Variants in GPC6 observed in about 807,000 individuals in gnomAD.
The protein encoded by GPC6 is glypican-6.
Under a neutral mutation model 55.2 loss-of-function variants are expected in GPC6, and 14 were observed. That is an observed-to-expected ratio of 0.25 (90% confidence interval 0.17 to 0.40). The LOEUF is 0.40. Ranked by LOEUF, GPC6 falls within the 10% of genes least tolerant of loss-of-function variation. The pLI is 1.00. For synonymous variants in GPC6, 278 were observed against 259.6 expected, an observed-to-expected ratio of 1.07 and a Z score of -0.68; for missense variants, 641 against 708.5, an observed-to-expected ratio of 0.90 and a Z score of 1.08.
rs192116155 is a variant in GPC6 at position 93,846,321 on chromosome 13, A to C, written c.711+15776A>C. Among the ~76,000 whole-genome samples, 4 of 152,202 alleles carry C rather than the reference A, an allele frequency of 2.6e-5. 1 individual carries two copies. In the South Asian group the frequency reaches 8.3e-4, roughly 31 times the overall value. On this transcript the variant is annotated intron_variant, in intron 3 of 8. Transcript: ENST00000377047. ...GCCATTTAGCCCTTACATTAAACCTATGAGATAGGTATGGTTATCATTCCA... is the reference window on the plus strand; with the variant it reads ...GCCATTTAGCCCTTACATTAAACCTCTGAGATAGGTATGGTTATCATTCCA...
At chr13:93,899,575 A>G (rs903555284) in intron 3 of GPC6, among the ~76,000 whole-genome samples, 1 of 152,114 alleles carries the variant, frequency 6.6e-6, no homozygotes, top group Admixed American at 6.6e-5. Flanking sequence ...ATGTTTAATG[A>G]AAGAATGAAT....
At chr13:93,980,071 G>T (rs1209586954) in intron 3 of GPC6, among the ~76,000 whole-genome samples, 1 of 152,106 alleles carries the variant, frequency 6.6e-6, no homozygotes, top group African/African-American at 2.4e-5. Flanking sequence ...GACCAAGAGA[G>T]ATCTTACGAT....
intron 3 of GPC6, among the ~76,000 whole-genome samples, chr13:93,890,542 G>A (rs1290983171): frequency 6.6e-6 from 1 of 151,950 alleles, no homozygotes; most frequent in Non-Finnish European, 1.5e-5. Context: ...ACCATCATGG[G>A]ATAGTTTTTA....
chr13:93,995,563 AT>A (rs1346368890), intron 3 of GPC6, among the ~76,000 whole-genome samples: 1 of 152,126 alleles, frequency 6.6e-6, no homozygotes, highest in African/African-American at 2.4e-5. Context: ...CATACGTGTA[AT>A]ATGGTTAACC....
At chr13:94,135,232 T>A (rs1887142404) in intron 4 of GPC6, among the ~76,000 whole-genome samples, 1 of 144,336 alleles carries the variant, frequency 6.9e-6, no homozygotes, top group East Asian at 2.0e-4. Flanking sequence ...AGATTAGCTT[T>A]ATCTAATGTA....
chr13:94,067,578 T>TAG (rs1884567144), intron 4 of GPC6, among the ~76,000 whole-genome samples: 58 of 147,682 alleles, frequency 3.9e-4, no homozygotes, highest in Middle Eastern at 3.4e-3. Context: ...ATAGATAGAT[T>TAG]ATAGATAGAT....
chr13:93,885,888 C>A (rs1875294090), intron 3 of GPC6, among the ~76,000 whole-genome samples: 1 of 152,016 alleles, frequency 6.6e-6, no homozygotes, highest in Non-Finnish European at 1.5e-5. Context: ...ACATAATGTG[C>A]TTGAAGAGAG....
chr13:93,600,828 T>A (rs1168596441), intron 2 of GPC6, among the ~76,000 whole-genome samples: 1 of 150,762 alleles, frequency 6.6e-6, no homozygotes, highest in Non-Finnish European at 1.5e-5. Flanking sequence ...TGGGCGCCTG[T>A]AATCCCAGCT....
chr13:93,662,110 T>G (rs1474453053), intron 2 of GPC6, among the ~76,000 whole-genome samples: 3 of 152,192 alleles, frequency 2.0e-5, no homozygotes, highest in Non-Finnish European at 4.4e-5. Flanking sequence ...TCTAATTCTG[T>G]TTCTGCTTTT....
At chr13:94,308,529 T>TAAAAGCC (rs1876075090) in intron 6 of GPC6, among the ~76,000 whole-genome samples, 1 of 152,224 alleles carries the variant, frequency 6.6e-6, no homozygotes, top group African/African-American at 2.4e-5. Context: ...TCATCACAAG[T>TAAAAGCC]AAAAGCCAAG....
chr13:93,687,917 T>C (rs1196517977), intron 2 of GPC6, among the ~76,000 whole-genome samples: 1 of 151,672 alleles, frequency 6.6e-6, no homozygotes, highest in Non-Finnish European at 1.5e-5. Context: ...TGAGAAAAAG[T>C]TTATTTCTCT....
intron 3 of GPC6, among the ~76,000 whole-genome samples, chr13:93,912,705 T>G (rs1325354192): frequency 2.0e-5 from 3 of 152,092 alleles, no homozygotes; most frequent in Non-Finnish European, 2.9e-5. Flanking sequence ...ATTGCGCCAC[T>G]GCACTCCAGC....
At chr13:94,078,869 G>A (rs77332595) in intron 4 of GPC6, among the ~76,000 whole-genome samples, 2 of 151,974 alleles carry the variant, frequency 1.3e-5, no homozygotes, top group Non-Finnish European at 2.9e-5. Flanking sequence ...AATTGGAAGA[G>A]AAAGGAATCT....
At chr13:93,634,061 G>C (rs1440881593) in intron 2 of GPC6, among the ~76,000 whole-genome samples, 1 of 152,170 alleles carries the variant, frequency 6.6e-6, no homozygotes, top group East Asian at 1.9e-4. Context: ...TACTGATGCA[G>C]TGAACATATA....
chr13:93,216,933 A>T, the GPC6 span, among the ~76,000 whole-genome samples: 1 of 152,220 alleles, frequency 6.6e-6, no homozygotes, highest in Non-Finnish European at 1.5e-5. Flanking sequence ...ACCATTGTAC[A>T]AATATAAAAT....
At chr13:93,534,343 A>T (rs1312989235) in intron 1 of GPC6, among the ~76,000 whole-genome samples, 1 of 152,172 alleles carries the variant, frequency 6.6e-6, no homozygotes, top group Non-Finnish European at 1.5e-5. Flanking sequence ...ATAAAAGCCA[A>T]AAGTTAGTTG....
At chr13:93,478,811 C>T (rs532002034) in intron 1 of GPC6, among the ~76,000 whole-genome samples, 24 of 152,308 alleles carry the variant, frequency 1.6e-4, no homozygotes, top group African/African-American at 4.6e-4. Context: ...CAAAACTACA[C>T]ACCCAACCTA....
intron 4 of GPC6, among the ~76,000 whole-genome samples, chr13:94,266,160 T>TTTTG (rs1555313269): frequency 0.031 from 4,626 of 148,126 alleles, 89 homozygotes; most frequent in African/African-American, 0.052. Flanking sequence ...TCTTTTTTTT[T>TTTTG]TTTGTTTGTT....
At chr13:93,766,485 T>G (rs9589823) in intron 2 of GPC6, among the ~76,000 whole-genome samples, 12,059 of 152,136 alleles carry the variant, frequency 0.079, 895 homozygotes, top group African/African-American at 0.19. Context: ...GATAATATGT[T>G]AAGTGTTCTT....
Sources: allele counts gnomAD v4.1 joint callset (sites outside exome capture counted in the v4.1 genomes callset), GRCh38; gene constraint gnomAD v4.1.1; transcripts MANE v1.5; gene names NCBI Gene and HGNC (gene_info 2026-07-23, HGNC 2026-07-21).